CPQ: variants seen among roughly 807,000 people sequenced by gnomAD.
CPQ encodes carboxypeptidase Q.
CPQ carries 37 observed loss-of-function variants against 45.7 expected under a neutral mutation model. The observed-to-expected ratio is 0.81, with a 90% CI of 0.62 to 1.07. The LOEUF is 1.07. CPQ is among the 50% of genes least tolerant of loss of function. The probability of loss-of-function intolerance (pLI) is 0.00; values close to 1 mark genes in which losing one functional copy is unlikely to be tolerated. For synonymous variants in CPQ, 186 were observed against 205.8 expected, an observed-to-expected ratio of 0.90 and a Z score of 0.82; for missense variants, 537 against 572.9, an observed-to-expected ratio of 0.94 and a Z score of 0.64.
intron 1 of CPQ, among the ~76,000 whole-genome samples, chr8:96,705,906 T>C (rs1380323369): frequency 6.6e-6 from 1 of 152,172 alleles, no homozygotes. Context: ...CCTTTGATAA[T>C]GAAGTGTGTA....
At chr8:97,111,960 A>G (rs1302164923) in intron 7 of CPQ, among the ~76,000 whole-genome samples, 1 of 152,034 alleles carries the variant, frequency 6.6e-6, no homozygotes, top group Admixed American at 6.6e-5. Context: ...CATTGTCCAC[A>G]CTGATCTCCA....
intron 1 of CPQ, among the ~76,000 whole-genome samples, chr8:96,743,850 C>T (rs1317738220): frequency 3.9e-5 from 6 of 152,348 alleles, no homozygotes; most frequent in South Asian, 2.1e-4. Flanking sequence ...TCTCCAGCTG[C>T]GTGCTGGGAG....
At chr8:96,922,623 G>A (rs1812824006) in intron 4 of CPQ, among the ~76,000 whole-genome samples, 1 of 152,056 alleles carries the variant, frequency 6.6e-6, no homozygotes, top group East Asian at 1.9e-4. Flanking sequence ...AATAAGTTTT[G>A]TTTTGTTTGA....
At chr8:96,682,462 G>C (rs1481500930) in intron 1 of CPQ, among the ~76,000 whole-genome samples, 1 of 152,232 alleles carries the variant, frequency 6.6e-6, no homozygotes, top group African/African-American at 2.4e-5. Context: ...CAGCCATGTG[G>C]AACTGTAAGG....
intron 5 of CPQ, among the ~76,000 whole-genome samples, chr8:96,976,229 C>T (rs1357675683): frequency 7.4e-6 from 1 of 134,570 alleles, no homozygotes; most frequent in African/African-American, 2.9e-5. Context: ...AGAACTCAAC[C>T]CCTTTCACAA....
chr8:97,085,715 AC>A (rs1465503816), intron 7 of CPQ, among the ~76,000 whole-genome samples: 3 of 152,322 alleles, frequency 2.0e-5, no homozygotes, highest in East Asian at 3.9e-4. Context: ...TCTTGTTAAT[AC>A]CATGAATAGT....
At chr8:97,064,297 G>T (rs1227278062) in intron 6 of CPQ, among the ~76,000 whole-genome samples, 1 of 152,146 alleles carries the variant, frequency 6.6e-6, no homozygotes, top group East Asian at 1.9e-4. Context: ...GTGTGGCAGG[G>T]CATAGAAGGG....
chr8:96,685,469 A>G (rs1339753172), intron 1 of CPQ, among the ~76,000 whole-genome samples: 1 of 151,874 alleles, frequency 6.6e-6, no homozygotes, highest in African/African-American at 2.4e-5. Context: ...TTTTGTTTTT[A>G]TATCACTTTT....
rs1038683257 is a variant in CPQ, at chr8:96,832,396, C to G, written c.434-2577C>G. Among the ~76,000 whole-genome samples, 17 of 152,150 alleles carry G rather than the reference C, an allele frequency of 1.1e-4. 1 individual carries two copies. Among genetic ancestry groups the G allele is most frequent in the Non-Finnish European group, 4.4e-5 (3 of 68,026 alleles). On this transcript the variant is annotated intron_variant, in intron 2 of 7. Coordinates refer to ENST00000220763, the MANE Select transcript of CPQ (RefSeq NM_016134.4). Reference sequence around the variant, plus strand: ...TTCATGGAAATGCTTTAGATCCAGTCAGCAGTCTCTTATTTGGAGCAGCAC... The same window carrying G: ...TTCATGGAAATGCTTTAGATCCAGTGAGCAGTCTCTTATTTGGAGCAGCAC...
chr8:96,792,061 T>C (rs922056199), intron 2 of CPQ, among the ~76,000 whole-genome samples: 1 of 152,224 alleles, frequency 6.6e-6, no homozygotes, highest in African/African-American at 2.4e-5. Context: ...TATTACAGTA[T>C]GTATGTTAGT....
At chr8:97,080,280 G>C (rs1475727970) in intron 7 of CPQ, among the ~76,000 whole-genome samples, 1 of 152,174 alleles carries the variant, frequency 6.6e-6, no homozygotes, top group Non-Finnish European at 1.5e-5. Context: ...AATAAAGTCT[G>C]ACTCTAATTA....
At chr8:97,076,995 T>A (rs1810857093) in intron 7 of CPQ, among the ~76,000 whole-genome samples, 1 of 152,148 alleles carries the variant, frequency 6.6e-6, no homozygotes, top group Admixed American at 6.6e-5. Context: ...TGTATTCTTA[T>A]AATAAAGTAA....
chr8:96,889,901 C>T (rs1812351422), intron 4 of CPQ, among the ~76,000 whole-genome samples: 1 of 152,162 alleles, frequency 6.6e-6, no homozygotes, highest in African/African-American at 2.4e-5. Context: ...CGTCCACTGA[C>T]TCAAATGTTA....
intron 7 of CPQ, among the ~76,000 whole-genome samples, chr8:97,076,641 A>C (rs1180986306): frequency 6.6e-6 from 1 of 152,058 alleles, no homozygotes; most frequent in Non-Finnish European, 1.5e-5. Flanking sequence ...ATGTTCCCCT[A>C]TCCCTTGTAT....
At chr8:96,700,616 A>G (rs953041026) in intron 1 of CPQ, among the ~76,000 whole-genome samples, 4 of 152,162 alleles carry the variant, frequency 2.6e-5, no homozygotes, top group Non-Finnish European at 4.4e-5. Context: ...CATCAGAAAG[A>G]ACCAGACCTA....
rs144465598 is a variant in CPQ, at chr8:96,861,740, A to G, written c.642-18058A>G. ...TCTGGTACCCACAGGGATCATACAA[A>G]TGACAAACACAAAGGGCCAGCACTC... On this transcript the variant is annotated intron_variant, in intron 3 of 7. Transcript: ENST00000220763. Among the ~76,000 whole-genome samples, 62 of 152,268 alleles carry G rather than the reference A, an allele frequency of 4.1e-4. No homozygotes were observed. In the East Asian group the frequency reaches 0.011, roughly 28 times the overall value.
intron 1 of CPQ, among the ~76,000 whole-genome samples, chr8:96,743,465 TTC>T (rs1345986639): frequency 1.3e-5 from 2 of 152,218 alleles, no homozygotes; most frequent in Non-Finnish European, 1.5e-5. Flanking sequence ...TGAAGCCTTC[TTC>T]TCTCAGCTCG....
chr8:96,881,620 C>G (rs1812224189), intron 4 of CPQ, among the ~76,000 whole-genome samples: 1 of 152,162 alleles, frequency 6.6e-6, no homozygotes, highest in Non-Finnish European at 1.5e-5. Context: ...CTCAATTACC[C>G]AAGGTCCACA....
At chr8:96,797,558 C>T (rs778835376) in intron 2 of CPQ, among the ~76,000 whole-genome samples, 4 of 152,128 alleles carry the variant, frequency 2.6e-5, no homozygotes, top group Non-Finnish European at 4.4e-5. Context: ...GAGGTATCTC[C>T]AAGGGCATTC....
Sources: allele counts gnomAD v4.1 joint callset (sites outside exome capture counted in the v4.1 genomes callset), GRCh38; gene constraint gnomAD v4.1.1; transcripts MANE v1.5; gene names NCBI Gene and HGNC (gene_info 2026-07-23, HGNC 2026-07-21).